CFDP1: variants seen among roughly 807,000 people sequenced by gnomAD.
CFDP1 encodes chromatin remodeling protein CFDP1, also known as heterochromatin-stabilizing protein CFDP1.
Under a neutral mutation model 40.1 loss-of-function variants are expected in CFDP1, and 31 were observed. That is an observed-to-expected ratio of 0.77 (90% CI 0.58 to 1.04). The LOEUF (loss-of-function observed/expected upper bound fraction) is 1.04. Among genes scored for constraint, CFDP1 ranks in the 50% least tolerant of loss-of-function variants. The pLI is 0.00. For missense variants in CFDP1, 423 were observed against 343.4 expected, an observed-to-expected ratio of 1.23 and a Z score of -1.83; for synonymous variants, 167 against 120.0, an observed-to-expected ratio of 1.39 and a Z score of -2.56.
chr16:75,432,305 G>C (rs1270615765), intron 1 of CFDP1, among the ~76,000 whole-genome samples: 1 of 149,132 alleles, frequency 6.7e-6, no homozygotes, highest in Non-Finnish European at 1.5e-5. Flanking sequence ...GGTGGCTGAG[G>C]TGGGAGGATC....
In CFDP1 at chr16:75,305,149, C is replaced by G; in HGVS notation, c.684G>C (p.Leu228Phe). Residue 228 changes from leucine to phenylalanine, a missense_variant, in exon 6 of 7, where the codon TTG becomes TTC. Leu to Phe is a conservative substitution (Grantham distance 22, BLOSUM62 0). Transcript: ENST00000283882. ...TCTGCTTCTTGGCACCAATTTTCCC[C>G]AAAAGGCTGCTCATGCCACTTGATC... The part of the protein sequence containing the change: ...LKRSSGMSSL[L>F]GKIGAKKQKM... 6.2e-7 allele frequency: 1 copy of G among 1,614,110 alleles called. No individual in the cohort carries two copies. Among genetic ancestry groups the G allele is most frequent in the Non-Finnish European group, 8.5e-7 (1 of 1,180,016 alleles).
intron 5 of CFDP1, among the ~76,000 whole-genome samples, chr16:75,307,819 C>G (rs112050360): frequency 1.3e-5 from 2 of 152,130 alleles, no homozygotes; most frequent in Non-Finnish European, 2.9e-5. Flanking sequence ...CTTGGCCTCC[C>G]GAAGTACTGG....
chr16:75,412,171 A>C (rs761997032), intron 3 of CFDP1, among the ~76,000 whole-genome samples: 1 of 152,192 alleles, frequency 6.6e-6, no homozygotes, highest in Non-Finnish European at 1.5e-5. Flanking sequence ...GGCAACCGCC[A>C]CCACACCCAG....
At chr16:75,314,956 T>C (rs986008753) in intron 5 of CFDP1, among the ~76,000 whole-genome samples, 3 of 152,170 alleles carry the variant, frequency 2.0e-5, no homozygotes, top group Non-Finnish European at 4.4e-5. Context: ...TTCACCATGT[T>C]GGCCAGGTTG....
At chr16:75,415,960 C>T (rs1030049429) in intron 1 of CFDP1, among the ~76,000 whole-genome samples, 1 of 152,180 alleles carries the variant, frequency 6.6e-6, no homozygotes, top group Admixed American at 6.5e-5. Flanking sequence ...TCAAGCGATT[C>T]TCCTGCCTTG....
intron 5 of CFDP1, among the ~76,000 whole-genome samples, chr16:75,350,313 C>G (rs1057157740): frequency 6.6e-6 from 1 of 152,150 alleles, no homozygotes; most frequent in African/African-American, 2.4e-5. Context: ...CTGCCAAACT[C>G]TTTTCCTATG....
chr16:75,371,352 T>C (rs1335983177), intron 5 of CFDP1, among the ~76,000 whole-genome samples: 1 of 152,232 alleles, frequency 6.6e-6, no homozygotes, highest in Non-Finnish European at 1.5e-5. Context: ...CATAATTATA[T>C]ATCTCTCTCT....
chr16:75,381,046 G>A (rs184556642), intron 5 of CFDP1, among the ~76,000 whole-genome samples: 4 of 152,324 alleles, frequency 2.6e-5, no homozygotes, highest in Admixed American at 1.3e-4. Flanking sequence ...GCAGTGGCAC[G>A]TAGAGTGGAG....
intron 5 of CFDP1, among the ~76,000 whole-genome samples, chr16:75,362,555 T>C (rs2078686825): frequency 6.6e-6 from 1 of 152,188 alleles, no homozygotes; most frequent in African/African-American, 2.4e-5. Flanking sequence ...TCACCATGGC[T>C]CAAGAAACCA....
At chr16:75,351,776 G>A (rs2078613021) in intron 5 of CFDP1, among the ~76,000 whole-genome samples, 2 of 152,102 alleles carry the variant, frequency 1.3e-5, no homozygotes, top group South Asian at 2.1e-4. Context: ...GGGAGGCTGA[G>A]GGAGGTGGAT....
At chr16:75,366,732 G>C (rs903562406) in intron 5 of CFDP1, among the ~76,000 whole-genome samples, 1 of 152,342 alleles carries the variant, frequency 6.6e-6, no homozygotes, top group East Asian at 1.9e-4. Context: ...AAGCAGATCA[G>C]TGGTTGTCTG....
intron 5 of CFDP1, among the ~76,000 whole-genome samples, chr16:75,394,151 C>T (rs1037869122): frequency 2.6e-5 from 4 of 152,174 alleles, no homozygotes; most frequent in Admixed American, 6.5e-5. Flanking sequence ...TGAAGGGCCA[C>T]AGAAGCCACT....
In CFDP1 at chr16:75,343,373, G is replaced by A. The variant is rs145684498; in HGVS notation, c.651-38191C>T. Among the ~76,000 whole-genome samples, 312 of 152,218 alleles carry A rather than the reference G, an allele frequency of 2.0e-3. 1 individual carries two copies. Among genetic ancestry groups the A allele is most frequent in the African/African-American group, 5.9e-3 (246 of 41,526 alleles). ...ATTCCACCTCTGAGCAGTCCTCAAG[G>A]AGTCGTGGAACAGCCTGGCTATGGT... On this transcript the variant is annotated intron_variant, in intron 5 of 6. Transcript: ENST00000283882.
intron 5 of CFDP1, among the ~76,000 whole-genome samples, chr16:75,374,155 A>T (rs1047638779): frequency 1.3e-5 from 2 of 152,116 alleles, no homozygotes; most frequent in African/African-American, 4.8e-5. Context: ...TGGGAGGCTG[A>T]GACATGAGAA....
intron 5 of CFDP1, among the ~76,000 whole-genome samples, chr16:75,361,894 C>G (rs1231272605): frequency 6.6e-6 from 1 of 152,122 alleles, no homozygotes; most frequent in East Asian, 1.9e-4. Context: ...ATTTTTCGCT[C>G]TCTTCCTTCT....
chr16:75,297,569 G>A (rs1404134961), intron 6 of CFDP1, among the ~76,000 whole-genome samples: 5 of 152,116 alleles, frequency 3.3e-5, no homozygotes, highest in Admixed American at 6.5e-5. Context: ...GTGTCCGGGT[G>A]CTTTTCTGGC....
intron 6 of CFDP1, among the ~76,000 whole-genome samples, chr16:75,296,205 G>T (rs145442890): frequency 2.6e-4 from 40 of 152,312 alleles, no homozygotes; most frequent in Admixed American, 8.5e-4. Flanking sequence ...TGGAGGGAAG[G>T]AGTAAGTATG....
chr16:75,336,526 C>T (rs1291433071), intron 5 of CFDP1, among the ~76,000 whole-genome samples: 1 of 152,250 alleles, frequency 6.6e-6, no homozygotes. Context: ...CCTGCACATA[C>T]AAACAATGCA....
At chr16:75,301,511 T>C (rs2078221194) in intron 6 of CFDP1, among the ~76,000 whole-genome samples, 2 of 150,144 alleles carry the variant, frequency 1.3e-5, no homozygotes. Flanking sequence ...GTTTCTTTTT[T>C]CTCAACATTA....
Sources: allele counts gnomAD v4.1 joint callset (sites outside exome capture counted in the v4.1 genomes callset), GRCh38; gene constraint gnomAD v4.1.1; transcripts MANE v1.5; gene names NCBI Gene and HGNC (gene_info 2026-07-23, HGNC 2026-07-21).